The following PCDHA6 variants were observed in gnomAD, a reference collection of about 807,000 sequenced individuals.
The protein encoded by PCDHA6 is protocadherin alpha 6.
In PCDHA6, 55 loss-of-function variants were observed where a neutral mutation model predicts 60.3. The observed-to-expected ratio is 0.91, with a 90% confidence interval of 0.73 to 1.14. The LOEUF is 1.14. Among genes scored for constraint, PCDHA6 ranks in the 50% most tolerant of loss-of-function variants. The pLI, the probability that PCDHA6 is intolerant of heterozygous loss-of-function variation, is 0.00. For synonymous variants in PCDHA6, 652 were observed against 557.9 expected (o/e 1.17, Z -2.38); for missense variants, 1,327 against 1,256.5 (o/e 1.06, Z -0.85).
intron 1 of PCDHA6, chr5:140,856,374 T>A (rs568319142): frequency 1.3e-6 from 2 of 1,598,376 alleles, no homozygotes; most frequent in Middle Eastern, 3.3e-4. Context: ...GAGGTGATCG[T>A]GGACAGGCCG....
At chr5:140,856,911 T>A in intron 1 of PCDHA6, 2 of 1,595,928 alleles carry the variant, frequency 1.3e-6, no homozygotes, top group East Asian at 2.2e-5. Flanking sequence ...CCACCCACGA[T>A]AAGAAGGAAA....
intron 1 of PCDHA6, chr5:140,835,997 C>A: frequency 6.2e-7 from 1 of 1,613,306 alleles, no homozygotes; most frequent in Non-Finnish European, 8.5e-7. Context: ...TGAGCGCGCG[C>A]GATGCGGGCG....
chr5:140,921,151 ATTT>A (rs11299094), intron 1 of PCDHA6, among the ~76,000 whole-genome samples: 3 of 151,512 alleles, frequency 2.0e-5, no homozygotes, highest in South Asian at 2.1e-4. Context: ...CAGCTAATGC[ATTT>A]TTTTTTTAAC....
chr5:140,841,362 T>A, intron 1 of PCDHA6: 1 of 1,613,494 alleles, frequency 6.2e-7, no homozygotes, highest in African/African-American at 1.3e-5. Flanking sequence ...TCCTGGCGAC[T>A]ACTACTCTTG....
At chr5:140,850,812 A>T in intron 1 of PCDHA6, 1 of 1,598,316 alleles carries the variant, frequency 6.3e-7, no homozygotes, top group Non-Finnish European at 8.6e-7. Context: ...CATGGCCTTC[A>T]GCCCGGGCCT....
rs1215041869 is a variant in PCDHA6, at chr5:141,010,411, G to T, written c.*474G>T. ...TGAGACGAGCCAGCTTAGACTAATT[G>T]GTACAAGGAAGGCAAGAAAACAAAG... On this transcript the variant is annotated 3_prime_UTR_variant, in exon 4 of 4. Transcript: ENST00000529310. 4.1e-6 allele frequency: 5 copies of T among 1,224,236 alleles called. No individual in the cohort carries two copies. The highest frequency in any genetic ancestry group is 4.4e-6 in the Non-Finnish European group (4 of 905,798). The allele number at this position is 1,224,236 out of a possible 1,614,324, so 75.8% of individuals were successfully genotyped here. A position where few individuals can be genotyped will look rare whatever the true frequency, so the allele number is the denominator to read the frequency against.
At chr5:140,849,962 G>A in intron 1 of PCDHA6, 1 of 1,597,888 alleles carries the variant, frequency 6.3e-7, no homozygotes, top group Admixed American at 1.7e-5. Context: ...AGAACGCCCT[G>A]GTGTCCTACT....
At chr5:140,957,855 T>TC (rs1398127159) in intron 1 of PCDHA6, among the ~76,000 whole-genome samples, 1 of 151,980 alleles carries the variant, frequency 6.6e-6, no homozygotes, top group Non-Finnish European at 1.5e-5. Context: ...TTTGTGTATT[T>TC]TTTTTCCTAT....
chr5:140,922,072 A>G (rs1390677282), intron 1 of PCDHA6, among the ~76,000 whole-genome samples: 1 of 152,198 alleles, frequency 6.6e-6, no homozygotes. Flanking sequence ...AATCCCACTA[A>G]GCAAAAAGTG....
intron 1 of PCDHA6, chr5:140,927,566 A>G: frequency 6.2e-7 from 1 of 1,614,168 alleles, no homozygotes; most frequent in Non-Finnish European, 8.5e-7. Flanking sequence ...ATTGTGGTGG[A>G]CACAAATGAC....
At chr5:140,883,416 G>T in intron 1 of PCDHA6, 1 of 1,614,158 alleles carries the variant, frequency 6.2e-7, no homozygotes, top group Non-Finnish European at 8.5e-7. Context: ...GGCTCAAATG[G>T]ACAGGTCACC....
At chr5:140,859,744 T>C (rs1554152696) in intron 1 of PCDHA6, 2 of 154,298 alleles carry the variant, frequency 1.3e-5, no homozygotes, top group African/African-American at 2.4e-5. Context: ...AAGCATGGCA[T>C]TCTTTCAGTG....
chr5:140,924,036 C>A (rs2081633869), intron 1 of PCDHA6, among the ~76,000 whole-genome samples: 1 of 152,162 alleles, frequency 6.6e-6, no homozygotes, highest in African/African-American at 2.4e-5. Context: ...TGGCTGCAGA[C>A]CTAAAAGTTC....
chr5:140,844,298 GT>G (rs141549111), intron 1 of PCDHA6, among the ~76,000 whole-genome samples: 3,056 of 149,412 alleles, frequency 0.02, 290 homozygotes, highest in Non-Finnish European at 0.031. Flanking sequence ...AAATTTGATA[GT>G]TTTCATATTC....
chr5:140,871,118 G>A, intron 1 of PCDHA6: 3 of 1,613,306 alleles, frequency 1.9e-6, no homozygotes, highest in Non-Finnish European at 2.5e-6. Flanking sequence ...GTGGAGAGCG[G>A]ACAGGCGCCA....
chr5:140,977,890 A>C (rs1554238866), intron 1 of PCDHA6, among the ~76,000 whole-genome samples: 3 of 152,234 alleles, frequency 2.0e-5, no homozygotes, highest in Non-Finnish European at 4.4e-5. Flanking sequence ...AGGAAAATAC[A>C]AAATACAACT....
chr5:140,993,631 G>A (rs1466996708), intron 3 of PCDHA6, among the ~76,000 whole-genome samples: 2 of 152,162 alleles, frequency 1.3e-5, no homozygotes, highest in African/African-American at 2.4e-5. Context: ...ATATATAGTC[G>A]TGTACCAAAT....
intron 1 of PCDHA6, chr5:140,842,742 T>C: frequency 6.3e-7 from 1 of 1,594,970 alleles, no homozygotes; most frequent in Non-Finnish European, 8.6e-7. Context: ...GGCTGCCACA[T>C]CTTCACGGTG....
At chr5:140,855,877 C>CT in intron 1 of PCDHA6, 1 of 897,114 alleles carries the variant, frequency 1.1e-6, no homozygotes, top group African/African-American at 1.7e-5. Flanking sequence ...CACAAAATAG[C>CT]TTTTTAGAAC....
Sources: gnomAD v4.1 joint callset for allele counts (sites outside exome capture counted in the v4.1 genomes callset) on GRCh38, gnomAD v4.1.1 for gene constraint, MANE v1.5 for transcripts, NCBI Gene and HGNC (gene_info 2026-07-23, HGNC 2026-07-21) for gene names.